Variants in CHSY3 observed in about 807,000 individuals in gnomAD.
The protein encoded by CHSY3 is N-acetylgalactosaminyl-proteoglycan 3-beta-glucuronosyltransferase 3.
Under a neutral mutation model 67.2 loss-of-function variants are expected in CHSY3, and 35 were observed. That is an observed-to-expected ratio of 0.52 (90% confidence interval 0.40 to 0.69). CHSY3 has a LOEUF of 0.69. Among genes scored for constraint, CHSY3 ranks in the 30% least tolerant of loss-of-function variants. The pLI is 0.00. For missense variants in CHSY3, 1,069 were observed against 1,138.5 expected (o/e 0.94, Z 0.88); for synonymous variants, 474 against 434.7 (o/e 1.09, Z -1.12).
chr5:130,140,863 CA>C (rs1346315975), intron 2 of CHSY3: 1 of 304,248 alleles, frequency 3.3e-6, no homozygotes, highest in Admixed American at 6.0e-5. Context: ...GCACCCAGGC[CA>C]GTATTGAGAT....
At chr5:130,032,160 T>A (rs1290733101) in intron 2 of CHSY3, among the ~76,000 whole-genome samples, 2 of 152,204 alleles carry the variant, frequency 1.3e-5, no homozygotes, top group Non-Finnish European at 2.9e-5. Context: ...CTGTTGCATG[T>A]CTATATAATA....
chr5:130,041,045 C>T (rs927342251), intron 2 of CHSY3, among the ~76,000 whole-genome samples: 1 of 152,100 alleles, frequency 6.6e-6, no homozygotes, highest in Non-Finnish European at 1.5e-5. Flanking sequence ...CAGATCTGCA[C>T]TTGTGCTGTC....
At chr5:129,964,762 A>C (rs566360463) in intron 2 of CHSY3, among the ~76,000 whole-genome samples, 1 of 151,988 alleles carries the variant, frequency 6.6e-6, no homozygotes, top group East Asian at 1.9e-4. Context: ...GTGTGTTTAA[A>C]ATTCAAATTA....
chr5:130,153,274 C>G (rs1769279969), intron 2 of CHSY3, among the ~76,000 whole-genome samples: 1 of 151,718 alleles, frequency 6.6e-6, no homozygotes. Context: ...TTTTCTTGCC[C>G]CAACCTGGAA....
chr5:130,089,624 T>A (rs1766808090), intron 2 of CHSY3, among the ~76,000 whole-genome samples: 1 of 152,124 alleles, frequency 6.6e-6, no homozygotes, highest in African/African-American at 2.4e-5. Context: ...TAAATTGCTG[T>A]TAGAGGACTA....
intron 2 of CHSY3, among the ~76,000 whole-genome samples, chr5:129,918,865 T>C (rs554563483): frequency 1.3e-3 from 192 of 148,248 alleles, no homozygotes; most frequent in African/African-American, 4.6e-3. Context: ...CCCAGCACTT[T>C]GGGAGGCCGA....
chr5:129,996,203 A>G (rs571669769), intron 2 of CHSY3, among the ~76,000 whole-genome samples: 286 of 152,282 alleles, frequency 1.9e-3, no homozygotes, highest in African/African-American at 6.4e-3. Context: ...TGTTATTATG[A>G]GGAAATTTTG....
intron 2 of CHSY3, among the ~76,000 whole-genome samples, chr5:130,129,624 A>C (rs1768415433): frequency 6.6e-6 from 1 of 152,186 alleles, no homozygotes; most frequent in Non-Finnish European, 1.5e-5. Context: ...ATACATAGCA[A>C]TTTAGAAAAT....
At chr5:130,068,504 G>C (rs1201780696) in intron 2 of CHSY3, among the ~76,000 whole-genome samples, 1 of 152,070 alleles carries the variant, frequency 6.6e-6, no homozygotes, top group Non-Finnish European at 1.5e-5. Context: ...ACAACAAAAT[G>C]TCTACTCCCT....
At position 130,135,098 on chromosome 5, in the gene CHSY3, T is replaced by C. The variant is rs1188735999; in HGVS notation, c.1087-49131T>C. Among the ~76,000 whole-genome samples, 4 of 152,074 alleles carry C rather than the reference T, an allele frequency of 2.6e-5. No individual in the cohort carries two copies. The East Asian group carries it at 7.7e-4, about 29-fold the overall frequency. Reference sequence around the variant, plus strand: ...AGATATACACACACATATATACGTGTCTATATTTTTAAACATACATACAGT... The same window carrying C: ...AGATATACACACACATATATACGTGCCTATATTTTTAAACATACATACAGT... On this transcript the variant is annotated intron_variant, in intron 2 of 2. Transcript: ENST00000305031.
chr5:130,137,091 TA>T (rs1268313946), intron 2 of CHSY3, among the ~76,000 whole-genome samples: 1 of 152,106 alleles, frequency 6.6e-6, no homozygotes, highest in Non-Finnish European at 1.5e-5. Context: ...GAGCTAAGAA[TA>T]AAAAAATCAC....
chr5:130,149,517 G>T (rs1298561267), intron 2 of CHSY3, among the ~76,000 whole-genome samples: 2 of 152,146 alleles, frequency 1.3e-5, no homozygotes, highest in Non-Finnish European at 2.9e-5. Flanking sequence ...CTGTCACAAA[G>T]ACAGCACCAA....
chr5:130,091,419 C>T (rs576052967), intron 2 of CHSY3, among the ~76,000 whole-genome samples: 1 of 152,220 alleles, frequency 6.6e-6, no homozygotes, highest in East Asian at 1.9e-4. Flanking sequence ...TTGACATAAA[C>T]TAACCAACAA....
At chr5:129,983,093 C>T (rs1297302937) in intron 2 of CHSY3, among the ~76,000 whole-genome samples, 1 of 152,012 alleles carries the variant, frequency 6.6e-6, no homozygotes, top group Non-Finnish European at 1.5e-5. Flanking sequence ...AATTGAGTTT[C>T]TTAGTTATAC....
At chr5:130,038,818 T>C (rs773606479) in intron 2 of CHSY3, among the ~76,000 whole-genome samples, 9 of 152,092 alleles carry the variant, frequency 5.9e-5, no homozygotes, top group Non-Finnish European at 1.3e-4. Context: ...GTGCCTGGTT[T>C]ATAACAGAAT....
At chr5:130,116,870 T>C (rs1038763144) in intron 2 of CHSY3, among the ~76,000 whole-genome samples, 1 of 152,172 alleles carries the variant, frequency 6.6e-6, no homozygotes, top group African/African-American at 2.4e-5. Context: ...TGTCTTTTTT[T>C]TTTTTTGAGT....
chr5:130,037,407 C>T (rs1019987890), intron 2 of CHSY3, among the ~76,000 whole-genome samples: 3 of 151,796 alleles, frequency 2.0e-5, no homozygotes, highest in African/African-American at 7.2e-5. Flanking sequence ...TTAGAGTTGG[C>T]GAAATAAAAA....
chr5:129,930,578 A>G (rs1289716627), intron 2 of CHSY3, among the ~76,000 whole-genome samples: 1 of 151,636 alleles, frequency 6.6e-6, no homozygotes, highest in East Asian at 2.0e-4. Context: ...AAGGAATGAA[A>G]CAAGGTGAGC....
At chr5:129,945,515 T>C (rs1761825636) in intron 2 of CHSY3, among the ~76,000 whole-genome samples, 1 of 98,176 alleles carries the variant, frequency 1.0e-5, no homozygotes, top group Non-Finnish European at 2.2e-5. Context: ...AACATTGACT[T>C]TATATATCAA....
Sources: allele counts gnomAD v4.1 joint callset (sites outside exome capture counted in the v4.1 genomes callset), GRCh38; gene constraint gnomAD v4.1.1; transcripts MANE v1.5; gene names NCBI Gene and HGNC (gene_info 2026-07-23, HGNC 2026-07-21).